The following ESRRG variants were observed in gnomAD, a reference collection of about 807,000 sequenced individuals.
ESRRG encodes the protein estrogen-related receptor gamma.
In ESRRG, 13 loss-of-function variants were observed where a neutral mutation model predicts 44.0. The ratio of observed to expected loss-of-function variants is 0.30; its 90% CI spans 0.19 to 0.47. The LOEUF is 0.47. ESRRG is among the 20% of genes least tolerant of loss of function. The pLI, the probability that ESRRG is intolerant of heterozygous loss-of-function variation, is 1.00. For synonymous variants in ESRRG, 215 were observed against 214.6 expected (o/e 1.00, Z -0.02); for missense variants, 395 against 580.6 (o/e 0.68, Z 3.29).
At chr1:217,104,264 G>A (rs2092559941) in intron 1 of ESRRG, among the ~76,000 whole-genome samples, 4 of 152,170 alleles carry the variant, frequency 2.6e-5, no homozygotes, top group Admixed American at 2.0e-4. Flanking sequence ...GCTACTCAAG[G>A]ACAGCGCTGG....
intron 1 of ESRRG, among the ~76,000 whole-genome samples, chr1:216,993,649 G>A (rs187191742): frequency 6.6e-6 from 1 of 152,188 alleles, no homozygotes; most frequent in Admixed American, 6.5e-5. Flanking sequence ...AGATATTCCC[G>A]TACCGCAGTC....
At chr1:216,632,678 A>G (rs569224362) in intron 3 of ESRRG, among the ~76,000 whole-genome samples, 1 of 152,302 alleles carries the variant, frequency 6.6e-6, no homozygotes, top group South Asian at 2.1e-4. Flanking sequence ...GTACTAGTCA[A>G]CAGTTAGTGA....
intron 1 of ESRRG, among the ~76,000 whole-genome samples, chr1:216,683,577 A>G (rs1027020794): frequency 2.6e-5 from 4 of 152,232 alleles, no homozygotes; most frequent in Admixed American, 6.5e-5. Flanking sequence ...GGGGACATAG[A>G]GCCAGCCCCC....
chr1:216,973,485 C>A (rs982656409), intron 1 of ESRRG, among the ~76,000 whole-genome samples: 6 of 152,116 alleles, frequency 3.9e-5, no homozygotes, highest in Non-Finnish European at 5.9e-5. Context: ...TGCTGTTGCC[C>A]CAGGGCCCAG....
chr1:216,729,155 G>C (rs1231648030), intron 2 of ESRRG, among the ~76,000 whole-genome samples: 2 of 152,114 alleles, frequency 1.3e-5, no homozygotes, highest in African/African-American at 4.8e-5. Flanking sequence ...ATTCGTATGG[G>C]GATTAAGCAG....
chr1:217,104,358 C>T (rs2092560986), intron 1 of ESRRG, among the ~76,000 whole-genome samples: 1 of 152,142 alleles, frequency 6.6e-6, no homozygotes. Flanking sequence ...AAATAGTAAG[C>T]CACCATCAAC....
At chr1:216,749,406 T>C (rs765925541) in intron 2 of ESRRG, among the ~76,000 whole-genome samples, 2 of 152,100 alleles carry the variant, frequency 1.3e-5, no homozygotes, top group Non-Finnish European at 1.5e-5. Flanking sequence ...TACAAAGTGA[T>C]TAGAGAGCCC....
chr1:217,014,739 G>A (rs2079099340), intron 1 of ESRRG, among the ~76,000 whole-genome samples: 1 of 152,186 alleles, frequency 6.6e-6, no homozygotes. Context: ...GAAAATACAT[G>A]CAAGTTAAAA....
chr1:217,002,122 C>T (rs761769401), intron 1 of ESRRG, among the ~76,000 whole-genome samples: 4 of 151,616 alleles, frequency 2.6e-5, no homozygotes, highest in African/African-American at 7.3e-5. Context: ...GTCAACACGG[C>T]GAAACCCCAT....
At chr1:216,756,540 T>A (rs1039995002) in intron 2 of ESRRG, among the ~76,000 whole-genome samples, 1 of 152,038 alleles carries the variant, frequency 6.6e-6, no homozygotes, top group Non-Finnish European at 1.5e-5. Context: ...ACAGATATAG[T>A]TCTCACAATG....
chr1:216,682,068 C>A (rs2077127724), intron 1 of ESRRG: 1 of 152,202 alleles, frequency 6.6e-6, no homozygotes, highest in South Asian at 2.1e-4. Context: ...ACATTATTAA[C>A]CCTTTCACCG....
At chr1:217,121,637 C>T (rs1365620834) in intron 1 of ESRRG, among the ~76,000 whole-genome samples, 6 of 152,292 alleles carry the variant, frequency 3.9e-5, no homozygotes, top group Non-Finnish European at 7.4e-5. Flanking sequence ...AAGCACACCA[C>T]CCTGTTCTCT....
At chr1:216,849,658 C>G (rs1266391572) in intron 2 of ESRRG, among the ~76,000 whole-genome samples, 2 of 152,020 alleles carry the variant, frequency 1.3e-5, no homozygotes, top group African/African-American at 4.8e-5. Flanking sequence ...GAAAAACTTT[C>G]CTTGATACAG....
intron 2 of ESRRG, among the ~76,000 whole-genome samples, chr1:216,748,137 C>A (rs1362820159): frequency 6.6e-6 from 1 of 152,106 alleles, no homozygotes; most frequent in African/African-American, 2.4e-5. Flanking sequence ...GAGGGTAAAG[C>A]TGGAATCCCT....
intron 2 of ESRRG, among the ~76,000 whole-genome samples, chr1:216,870,779 T>C (rs1023941587): frequency 6.6e-6 from 1 of 151,996 alleles, no homozygotes; most frequent in African/African-American, 2.4e-5. Flanking sequence ...TTTACATCGA[T>C]TTTTTTCATA....
At chr1:216,883,427 A>G (rs1427571455) in intron 2 of ESRRG, among the ~76,000 whole-genome samples, 2 of 148,284 alleles carry the variant, frequency 1.3e-5, no homozygotes, top group East Asian at 3.9e-4. Context: ...TACATTGCTC[A>G]GTGTGATTGC....
At chr1:216,576,276 G>A (rs1263634463) in intron 3 of ESRRG, among the ~76,000 whole-genome samples, 1 of 151,122 alleles carries the variant, frequency 6.6e-6, no homozygotes, top group Non-Finnish European at 1.5e-5. Context: ...ACATTATAAG[G>A]TCTGATGATA....
intron 2 of ESRRG, among the ~76,000 whole-genome samples, chr1:216,788,028 G>A (rs1424034492): frequency 1.3e-5 from 2 of 152,226 alleles, no homozygotes; most frequent in East Asian, 1.9e-4. Context: ...GGGCTATCAC[G>A]CATTGGTTCA....
intron 2 of ESRRG, among the ~76,000 whole-genome samples, chr1:216,914,119 A>G (rs967842460): frequency 6.6e-6 from 1 of 151,850 alleles, no homozygotes. Flanking sequence ...TTTTTTTTTA[A>G]CTTTACACTG....
Sources: gnomAD v4.1 joint callset for allele counts (sites outside exome capture counted in the v4.1 genomes callset) on GRCh38, gnomAD v4.1.1 for gene constraint, MANE v1.5 for transcripts, NCBI Gene and HGNC (gene_info 2026-07-23, HGNC 2026-07-21) for gene names.